Variants in DNAH2 observed in about 807,000 individuals in gnomAD.
DNAH2 encodes axonemal beta dynein heavy chain 2.
DNAH2 carries 323 observed loss-of-function variants against 523.5 expected under a neutral mutation model. That is an observed-to-expected ratio of 0.62 (90% CI 0.56 to 0.68). DNAH2 has a LOEUF of 0.68. Ranked by LOEUF, DNAH2 falls within the 30% of genes least tolerant of loss-of-function variation. The probability of loss-of-function intolerance (pLI) is 0.00; values close to 1 mark genes in which losing one functional copy is unlikely to be tolerated. For synonymous variants in DNAH2, 2,093 were observed against 2,177.4 expected (o/e 0.96, Z 1.08); for missense variants, 4,907 against 5,701.5 (o/e 0.86, Z 4.49).
Position 7,758,631 on chromosome 17 carries a change from T to A in DNAH2, c.2188T>A (p.Cys730Ser). 6.2e-7 allele frequency: 1 copy of A among 1,613,168 alleles called. No homozygotes were observed. Among genetic ancestry groups the A allele is most frequent in the Non-Finnish European group, 8.5e-7 (1 of 1,179,686 alleles). The change falls in exon 14 of 86, where the codon TGC (cysteine) becomes AGC (serine). Residue 730 changes from cysteine to serine, a missense_variant. This residue lies in a region of DNAH2 where 2,806 missense variants were observed against 3,190.8 expected (regional missense o/e 0.88). Coordinates refer to ENST00000572933, the MANE Select transcript of DNAH2 (RefSeq NM_020877.5). ...GGCCAGTGCCTTCTTCATCACGGAG[T>A]GCCGTATACATGCCAGCAAGGTGGG... ...KGASAFFITE[C>S]RIHASKVQMI...
chr17:7,813,014 A>G (rs1001620128), intron 63 of DNAH2, among the ~76,000 whole-genome samples: 18 of 151,766 alleles, frequency 1.2e-4, no homozygotes, highest in African/African-American at 4.1e-4. Context: ...TTGTATATGT[A>G]TAGAATACCT....
intron 63 of DNAH2, among the ~76,000 whole-genome samples, chr17:7,813,907 CAAAA>C (rs371725781): frequency 1.9e-5 from 2 of 105,780 alleles, no homozygotes; most frequent in Admixed American, 9.9e-5. Flanking sequence ...GACTCTGTCT[CAAAA>C]AAAAAAAAAA....
chr17:7,794,745 A>T (rs1359673878), intron 49 of DNAH2, among the ~76,000 whole-genome samples: 2 of 148,358 alleles, frequency 1.3e-5, no homozygotes, highest in Admixed American at 6.8e-5. Flanking sequence ...TAATATGTTA[A>T]CACTTCCTTT....
At position 7,793,244 on chromosome 17, in the gene DNAH2, C is replaced by T. The variant is rs776966205; in HGVS notation, c.7569+39C>T. The T allele has an allele frequency of 1.0e-4, 162 of 1,594,300 alleles. No homozygotes were observed. In the Middle Eastern group the frequency reaches 1.6e-3, roughly 15 times the overall value. On this transcript the variant is annotated intron_variant, in intron 48 of 85. Coordinates refer to ENST00000572933, the MANE Select transcript of DNAH2 (RefSeq NM_020877.5). ...GAGTCTGTTCTTCAGGCCTCTGCTC[C>T]TTCTGGGATAGGCTCAGTCCCCACT...
chr17:7,730,296 G>A (rs1487671893), intron 4 of DNAH2, among the ~76,000 whole-genome samples: 4 of 152,188 alleles, frequency 2.6e-5, no homozygotes, highest in Non-Finnish European at 2.9e-5. Flanking sequence ...CACTGACAGA[G>A]GAGAGGCTTG....
intron 1 of DNAH2, 149 bp from the exon 2 acceptor site, chr17:7,719,572 G>T (rs536134691): frequency 7.3e-5 from 73 of 995,548 alleles, no homozygotes; most frequent in Admixed American, 1.7e-4. Flanking sequence ...GAGCCCTTGT[G>T]GTTAATGGAG....
chr17:7,726,307 AT>A (rs35883055), intron 3 of DNAH2, among the ~76,000 whole-genome samples: 101,052 of 143,220 alleles, frequency 0.71, 35,504 homozygotes, highest in East Asian at 0.79. Flanking sequence ...TACCCAGCTA[AT>A]TTTTTTTTTT....
At position 7,748,342 on chromosome 17, in the gene DNAH2, C is replaced by A. The variant is rs185894354; in HGVS notation, c.1904+5200C>A. Among the ~76,000 whole-genome samples, 5 of 152,234 alleles carry A rather than the reference C, an allele frequency of 3.3e-5. No individual in the cohort carries two copies. In the East Asian group the frequency reaches 5.8e-4, roughly 18 times the overall value. ...TTCCCAGAGCTTCTCTCTCTTTTTT[C>A]CCCGGTCACAGAGTGCCTTTTCCCC... On this transcript the variant is annotated intron_variant, in intron 12 of 85. Coordinates refer to ENST00000572933, the MANE Select transcript of DNAH2 (RefSeq NM_020877.5).
chr17:7,821,487 G>A lies in DNAH2; in HGVS notation c.11142+118G>A. On this transcript the variant is annotated intron_variant, in intron 73 of 85. Transcript: ENST00000572933. This position sits in a 1 kb window ranked among gnomAD's most constrained non-coding sequence, Gnocchi z 5.0. ...CCCACAGCATCAGTGAGTGAGCTGA[G>A]AAAATCCAGGCCAGCATCAGGTGCA... 7.3e-7 allele frequency: 1 copy of A among 1,377,470 alleles called. No individual in the cohort carries two copies. Among genetic ancestry groups the A allele is most frequent in the Non-Finnish European group, 9.6e-7 (1 of 1,037,440 alleles). The allele number at this position is 1,377,470 out of a possible 1,614,324, so 85.3% of individuals were successfully genotyped here. A position where few individuals can be genotyped will look rare whatever the true frequency, so the allele number is the denominator to read the frequency against.
Position 7,798,976 on chromosome 17 carries a change from G to A in DNAH2, c.8560-127G>A. 1.5e-6 allele frequency: 2 copies of A among 1,348,084 alleles called. No homozygotes were observed. Among genetic ancestry groups the A allele is most frequent in the Non-Finnish European group, 2.0e-6 (2 of 992,938 alleles). The allele number at this position is 1,348,084 out of a possible 1,614,324, so 83.5% of individuals were successfully genotyped here. A position where few individuals can be genotyped will look rare whatever the true frequency, so the allele number is the denominator to read the frequency against. ...GGGGGTGGGGGGTGCTGAAGTGGGAGGATGGTTTGAGGCCAGGAGTTCAAG... is the reference window on the plus strand; with the variant it reads ...GGGGGTGGGGGGTGCTGAAGTGGGAAGATGGTTTGAGGCCAGGAGTTCAAG... On this transcript the variant is annotated intron_variant, in intron 55 of 85. Coordinates refer to ENST00000572933, the MANE Select transcript of DNAH2 (RefSeq NM_020877.5). The surrounding 1 kb of genome is among the most constrained non-coding windows in gnomAD (Gnocchi z 5.5).
rs1012740334 is a variant in DNAH2 at position 7,828,929 on chromosome 17, A to C, written c.11854-1371A>C. On this transcript the variant is annotated intron_variant, in intron 77 of 85. Coordinates refer to ENST00000572933, the MANE Select transcript of DNAH2 (RefSeq NM_020877.5). The surrounding 1 kb of genome is among the most constrained non-coding windows in gnomAD (Gnocchi z 4.1). ...GTCAGTCATAGATAAGTCTTTTTAAAACGCTGTTTGAACAGATTGCTGTCC... is the reference window on the plus strand; with the variant it reads ...GTCAGTCATAGATAAGTCTTTTTAACACGCTGTTTGAACAGATTGCTGTCC... 6.6e-6 allele frequency among the ~76,000 whole-genome samples: 1 copy of C among 152,072 alleles called. No individual in the cohort carries two copies. Among genetic ancestry groups the C allele is most frequent in the African/African-American group, 2.4e-5 (1 of 41,330 alleles).
rs763470955 is a variant in DNAH2 at position 7,737,229 on chromosome 17, C to T, written c.1141C>T (p.Arg381Trp). Residue 381 changes from arginine (R) to tryptophan (W), a missense_variant, in exon 8 of 86, where the codon CGG (arginine) becomes TGG (tryptophan). By Grantham distance (101) the Arg-to-Trp change is moderately radical (BLOSUM62 -3). Around this residue, in one of 3 missense-constraint regions of DNAH2, gnomAD observed 2,806 missense variants for 3,190.8 expected, o/e 0.88. Transcript: ENST00000572933. Reference sequence around the variant, plus strand: ...GGTCAACTCTCCCCACTACAACACTCGGGAGAGACTGACCTCGCTCTTCCG... The same window carrying T: ...GGTCAACTCTCCCCACTACAACACTTGGGAGAGACTGACCTCGCTCTTCCG... Reference protein sequence around the residue: ...IWVNSPHYNTRERLTSLFRKV... With the variant: ...IWVNSPHYNTWERLTSLFRKV... 17 of 1,614,016 alleles carry T rather than the reference C, an allele frequency of 1.1e-5. No individual in the cohort carries two copies. Among genetic ancestry groups the T allele is most frequent in the East Asian group, 4.5e-5 (2 of 44,890 alleles).
rs1170573852 is a variant in DNAH2 at position 7,796,896 on chromosome 17, C to T, written c.7863+244C>T. On this transcript the variant is annotated intron_variant, in intron 50 of 85. Coordinates refer to ENST00000572933, the MANE Select transcript of DNAH2 (RefSeq NM_020877.5). ...CCTGAGGTTAGGAGTTCAAGACCAG[C>T]CTGGCCAACATGGTGAAATCCTGTC... Among the ~76,000 whole-genome samples, 6 of 144,900 alleles carry T rather than the reference C, an allele frequency of 4.1e-5. No homozygotes were observed. The Admixed American group carries it at 4.3e-4, about 10-fold the overall frequency.
intron 27 of DNAH2, 114 bp from the exon 28 acceptor site, chr17:7,771,216 A>T: frequency 6.8e-7 from 1 of 1,467,766 alleles, no homozygotes; most frequent in East Asian, 2.3e-5. Flanking sequence ...TTGGCCTTTG[A>T]CTTCTAGCAC....
intron 48 of DNAH2, among the ~76,000 whole-genome samples, 171 bp from the exon 49 acceptor site, chr17:7,794,083 C>T (rs2076996536): frequency 6.6e-6 from 1 of 152,144 alleles, no homozygotes; most frequent in Non-Finnish European, 1.5e-5. Flanking sequence ...CTCTTCCCCT[C>T]CCCCTGCCCT....
rs1236475196 is a variant in DNAH2, at chr17:7,780,551, T to C, written c.5851-79T>C. ...GCTTCATGTCCTGGGACCTGGCTTC[T>C]TGTCTCTGACTGTCCTGAGATGAAG... On this transcript the variant is annotated intron_variant, in intron 37 of 85. Transcript: ENST00000572933. The surrounding 1 kb of genome is among the most constrained non-coding windows in gnomAD (Gnocchi z 4.4). 6.3e-7 allele frequency: 1 copy of C among 1,579,266 alleles called. No individual in the cohort carries two copies. The highest frequency in any genetic ancestry group is 2.3e-5 in the East Asian group (1 of 44,442).
intron 57 of DNAH2, 61 bp downstream of exon 57, chr17:7,801,771 C>G (rs4791834): frequency 0.57 from 922,254 of 1,610,596 alleles, 271,091 homozygotes; most frequent in Admixed American, 0.66. Context: ...CGCCTCTCAT[C>G]TCTCATCGCA....
chr17:7,761,732 A>G (rs62059661), intron 18 of DNAH2, among the ~76,000 whole-genome samples: 35,079 of 151,786 alleles, frequency 0.23, 5,172 homozygotes, highest in Non-Finnish European at 0.33. Flanking sequence ...TCATCCACCC[A>G]CCTTAGCCTC....
Position 7,824,667 on chromosome 17 carries a change from C to T in DNAH2, c.11793C>T (p.His3931=), listed in dbSNP as rs774491586. Residue 3931 remains histidine, a synonymous_variant, in exon 77 of 86, where the codon CAC becomes CAT. Transcript: ENST00000572933. The part of the protein sequence containing the change: ...SFRLWLSSIP[H]PDFPISILQV... ...GCCTCTGGCTCAGCTCCATCCCCCA[C>T]CCAGACTTCCCTATCTCAATCTTGC... is the stretch of plus-strand genomic sequence containing the variant. 1.9e-6 allele frequency: 3 copies of T among 1,606,586 alleles called. No homozygotes were observed. In the South Asian group the frequency reaches 3.3e-5, roughly 18 times the overall value.
Sources: allele counts gnomAD v4.1 joint callset (sites outside exome capture counted in the v4.1 genomes callset), GRCh38; gene constraint gnomAD v4.1.1; regional missense constraint gnomAD v4.1.1; non-coding constraint Gnocchi (gnomAD v3.1); transcripts MANE v1.5; gene names NCBI Gene and HGNC (gene_info 2026-07-23, HGNC 2026-07-21).